Variants in ANKRD44 observed in about 807,000 individuals in gnomAD.
The protein encoded by ANKRD44 is serine/threonine-protein phosphatase 6 regulatory ankyrin repeat subunit B.
ANKRD44 carries 35 observed loss-of-function variants against 116.0 expected under a neutral mutation model. The ratio of observed to expected loss-of-function variants is 0.30; its 90% CI spans 0.23 to 0.40. The LOEUF is 0.40. Ranked by LOEUF, ANKRD44 falls within the 10% of genes least tolerant of loss-of-function variation. The probability of loss-of-function intolerance (pLI) is 1.00; values close to 1 mark genes in which losing one functional copy is unlikely to be tolerated. For synonymous variants in ANKRD44, 435 were observed against 461.8 expected (o/e 0.94, Z 0.74); for missense variants, 1,014 against 1,242.6 (o/e 0.82, Z 2.77).
intron 1 of ANKRD44, among the ~76,000 whole-genome samples, chr2:197,215,693 A>T (rs987916012): frequency 1.3e-5 from 2 of 152,178 alleles, no homozygotes; most frequent in Non-Finnish European, 2.9e-5. Context: ...TCTTTAAATG[A>T]TATATATTTA....
chr2:197,266,765 C>A (rs1394316888), intron 1 of ANKRD44, among the ~76,000 whole-genome samples: 1 of 151,996 alleles, frequency 6.6e-6, no homozygotes, highest in Non-Finnish European at 1.5e-5. Context: ...GTAAGTCAAG[C>A]ACCTCAGAGG....
intron 1 of ANKRD44, among the ~76,000 whole-genome samples, chr2:197,202,184 AT>A (rs978889006): frequency 3.9e-5 from 6 of 152,204 alleles, no homozygotes; most frequent in Non-Finnish European, 5.9e-5. Flanking sequence ...TGCTTCTTGA[AT>A]TGTGACCAAT....
intron 1 of ANKRD44, among the ~76,000 whole-genome samples, chr2:197,295,231 C>T (rs1384634292): frequency 6.6e-6 from 1 of 152,110 alleles, no homozygotes; most frequent in African/African-American, 2.4e-5. Flanking sequence ...GTGTAGCACT[C>T]GATTTCTGAA....
chr2:197,025,927 C>T (rs2076583210), intron 16 of ANKRD44, among the ~76,000 whole-genome samples: 1 of 151,616 alleles, frequency 6.6e-6, no homozygotes, highest in South Asian at 2.1e-4. Context: ...ACTAGGGCAT[C>T]GTGTTAGTGA....
intron 8 of ANKRD44, among the ~76,000 whole-genome samples, chr2:197,117,077 G>C (rs998471619): frequency 2.6e-5 from 4 of 152,196 alleles, no homozygotes; most frequent in Admixed American, 2.0e-4. Flanking sequence ...GATAAACTGA[G>C]ACACACAAAG....
intron 10 of ANKRD44, among the ~76,000 whole-genome samples, chr2:197,091,723 A>G (rs1375407481): frequency 6.6e-6 from 1 of 152,216 alleles, no homozygotes; most frequent in Non-Finnish European, 1.5e-5. Flanking sequence ...GCACTTTGCT[A>G]GGAGTTAATA....
At chr2:197,262,896 T>C (rs3108513) in intron 1 of ANKRD44, among the ~76,000 whole-genome samples, 125,353 of 151,920 alleles carry the variant, frequency 0.83, 51,845 homozygotes, top group South Asian at 0.9. Flanking sequence ...CACAGTGAGA[T>C]TCTTTTAAAA....
chr2:197,227,624 G>A (rs1017650011), intron 1 of ANKRD44, among the ~76,000 whole-genome samples: 2 of 151,850 alleles, frequency 1.3e-5, no homozygotes, highest in Non-Finnish European at 2.9e-5. Flanking sequence ...AATCCTTTGG[G>A]GGCAAGAAGA....
chr2:197,175,643 A>G (rs763057548), intron 2 of ANKRD44, among the ~76,000 whole-genome samples: 1 of 152,152 alleles, frequency 6.6e-6, no homozygotes, highest in Non-Finnish European at 1.5e-5. Context: ...AGTTGCAGCA[A>G]TGTGATTCCT....
intron 8 of ANKRD44, among the ~76,000 whole-genome samples, chr2:197,116,146 CT>C (rs1177371381): frequency 1.3e-5 from 2 of 152,168 alleles, no homozygotes; most frequent in Admixed American, 1.3e-4. Flanking sequence ...CTTATCCAAT[CT>C]GAACTGACCA....
intron 1 of ANKRD44, chr2:197,250,867 C>T (rs1229304651): frequency 1.3e-5 from 2 of 152,126 alleles, no homozygotes. Flanking sequence ...GTGACAAAGG[C>T]TACAGAATTC....
intron 2 of ANKRD44, among the ~76,000 whole-genome samples, chr2:197,166,134 G>T (rs1051981509): frequency 6.6e-6 from 1 of 152,072 alleles, no homozygotes; most frequent in Non-Finnish European, 1.5e-5. Context: ...TCTTTATTGG[G>T]GTATGAATGG....
chr2:196,985,700 T>A (rs17450143), downstream of ANKRD44, among the ~76,000 whole-genome samples: 12,219 of 152,230 alleles, frequency 0.08, 521 homozygotes, highest in South Asian at 0.1. Flanking sequence ...CTGTAATAAC[T>A]GCTAACATTC....
chr2:197,282,848 C>G (rs1021328840), intron 1 of ANKRD44, among the ~76,000 whole-genome samples: 4 of 152,128 alleles, frequency 2.6e-5, no homozygotes, highest in Non-Finnish European at 5.9e-5. Flanking sequence ...ATCCCGGGTA[C>G]TCAGGAGGCT....
intron 16 of ANKRD44, among the ~76,000 whole-genome samples, chr2:197,056,680 T>C (rs866076943): frequency 3.3e-5 from 5 of 152,302 alleles, no homozygotes; most frequent in African/African-American, 1.2e-4. Flanking sequence ...GTAAAAATGA[T>C]AATATTTTGT....
chr2:197,082,419 T>A (rs1005097017), intron 14 of ANKRD44, among the ~76,000 whole-genome samples: 4 of 152,246 alleles, frequency 2.6e-5, no homozygotes, highest in African/African-American at 9.6e-5. Context: ...TACTGAATTG[T>A]GAAATCGACT....
At chr2:197,228,404 G>C (rs1437125897) in intron 1 of ANKRD44, among the ~76,000 whole-genome samples, 1 of 152,186 alleles carries the variant, frequency 6.6e-6, no homozygotes, top group African/African-American at 2.4e-5. Flanking sequence ...GACAGAGGCA[G>C]AAATATTACT....
At chr2:197,046,615 C>T (rs925146530) in intron 16 of ANKRD44, among the ~76,000 whole-genome samples, 23 of 145,052 alleles carry the variant, frequency 1.6e-4, no homozygotes, top group Admixed American at 1.3e-3. Flanking sequence ...CACTGCACTC[C>T]AGCCTGGGCG....
At chr2:197,052,732 A>G (rs943405295) in intron 16 of ANKRD44, among the ~76,000 whole-genome samples, 7 of 152,194 alleles carry the variant, frequency 4.6e-5, no homozygotes, top group African/African-American at 1.7e-4. Flanking sequence ...AGATGGCCTC[A>G]ATTCGTCTCT....
Sources: allele counts gnomAD v4.1 joint callset (sites outside exome capture counted in the v4.1 genomes callset), GRCh38; gene constraint gnomAD v4.1.1; transcripts MANE v1.5; gene names NCBI Gene and HGNC (gene_info 2026-07-23, HGNC 2026-07-21).